RAX2: variants seen among roughly 807,000 people sequenced by gnomAD.
The protein encoded by RAX2 is retina and anterior neural fold homeobox 2.
RAX2 carries 4 observed loss-of-function variants against 5.8 expected under a neutral mutation model. That is an observed-to-expected ratio of 0.69 (90% CI 0.34 to 1.58). The LOEUF is 1.58. Ranked by LOEUF, RAX2 falls within the 40% of genes most tolerant of loss-of-function variation. The pLI, the probability that RAX2 is intolerant of heterozygous loss-of-function variation, is 0.05. For missense variants in RAX2, 275 were observed against 271.4 expected, an observed-to-expected ratio of 1.01 and a Z score of -0.09; for synonymous variants, 133 against 128.8, an observed-to-expected ratio of 1.03 and a Z score of -0.22.
chr19:3,771,956 C>T lies in RAX2; in HGVS notation c.-214G>A. ...TGTGCCTCTGTCTGCTCTTCCTTCT[C>T]TCTGTGTGTGTCACCGTCCCTGTTT... is the stretch of plus-strand genomic sequence containing the variant. On this transcript the variant is annotated 5_prime_UTR_variant, in exon 2 of 3. Transcript: ENST00000555633. The surrounding 1 kb of genome is among the most constrained non-coding windows in gnomAD (Gnocchi z 4.2). 2 of 834,816 alleles carry T rather than the reference C, an allele frequency of 2.4e-6. No homozygotes were observed. Among genetic ancestry groups the T allele is most frequent in the Non-Finnish European group, 3.6e-6 (2 of 551,430 alleles). The allele number at this position is 834,816 out of a possible 1,614,324, so 51.7% of individuals were successfully genotyped here. A position where few individuals can be genotyped will look rare whatever the true frequency, so the allele number is the denominator to read the frequency against.
chr19:3,771,068 C>A lies in RAX2; in HGVS notation c.217-109G>T. On this transcript the variant is annotated intron_variant, in intron 2 of 2. Coordinates refer to ENST00000555633, the MANE Select transcript of RAX2 (RefSeq NM_001319074.4). The surrounding 1 kb of genome is among the most constrained non-coding windows in gnomAD (Gnocchi z 4.2). Reference sequence around the variant, plus strand: ...CCTGGGGGTTCTGACTCCCGTCTGACCCGACTCCTACCTGCTGCTTCGCTG... The same window carrying A: ...CCTGGGGGTTCTGACTCCCGTCTGAACCGACTCCTACCTGCTGCTTCGCTG... The A allele has an allele frequency of 1.2e-6, 1 of 823,310 alleles. No homozygotes were observed. Among genetic ancestry groups the A allele is most frequent in the Non-Finnish European group, 2.0e-6 (1 of 509,582 alleles). The allele number at this position is 823,310 out of a possible 1,614,324, so 51.0% of individuals were successfully genotyped here. A position where few individuals can be genotyped will look rare whatever the true frequency, so the allele number is the denominator to read the frequency against.
rs1286946201 is a variant in RAX2, at chr19:3,770,838, G to GC, written c.337dup (p.Ala113GlyfsTer178). On this transcript the variant is annotated frameshift_variant, in exon 3 of 3. Transcript: ENST00000555633. LOFTEE classifies it low-confidence loss of function (END_TRUNC). ...CCAGGGCTCCAGGGGCAGCGACATG[G>GC]CCGGGGGGCGGGCGAACGGCAGCGC... is the stretch of plus-strand genomic sequence containing the variant. 1.3e-6 allele frequency: 2 copies of GC among 1,526,958 alleles called. No homozygotes were observed. Among genetic ancestry groups the GC allele is most frequent in the Non-Finnish European group, 1.8e-6 (2 of 1,142,574 alleles). The allele number at this position is 1,526,958 out of a possible 1,614,324, so 94.6% of individuals were successfully genotyped here.
Position 3,771,848 on chromosome 19 carries a change from G to T in RAX2, c.-106C>A. 6.8e-7 allele frequency: 1 copy of T among 1,460,782 alleles called. No individual in the cohort carries two copies. 90.5% of individuals were successfully genotyped at this position (1,460,782 alleles called of 1,614,324 possible). On this transcript the variant is annotated 5_prime_UTR_variant, in exon 2 of 3. Coordinates refer to ENST00000555633, the MANE Select transcript of RAX2 (RefSeq NM_001319074.4). This position sits in a 1 kb window ranked among gnomAD's most constrained non-coding sequence, Gnocchi z 4.2. ...AGCCCCAGGCTTGCCTCCCGGCTCC[G>T]GGGAAATCGGTTCCCTCCACTGGGG...
chr19:3,770,984 G>C, intron 2 of RAX2, 25 bp from the exon 3 acceptor site: 1 of 1,521,810 alleles, frequency 6.6e-7, no homozygotes, highest in Non-Finnish European at 8.8e-7. Flanking sequence ...AGGGAAGGGG[G>C]GTTGCTGTGA....
rs546377680 is a variant in RAX2 at position 3,771,841 on chromosome 19, C to T, written c.-99G>A. 54 of 1,467,422 alleles carry T rather than the reference C, an allele frequency of 3.7e-5. 1 individual carries two copies. Among genetic ancestry groups the T allele is most frequent in the African/African-American group, 1.1e-4 (8 of 71,170 alleles). 90.9% of individuals were successfully genotyped at this position (1,467,422 alleles called of 1,614,324 possible). A position where few individuals can be genotyped will look rare whatever the true frequency, so the allele number is the denominator to read the frequency against. On this transcript the variant is annotated 5_prime_UTR_variant, in exon 2 of 3. Transcript: ENST00000555633. This position sits in a 1 kb window ranked among gnomAD's most constrained non-coding sequence, Gnocchi z 4.2. ...GCAGGGGAGCCCCAGGCTTGCCTCC[C>T]GGCTCCGGGGAAATCGGTTCCCTCC... is the stretch of plus-strand genomic sequence containing the variant.
In RAX2 at chr19:3,770,630, C is replaced by A; in HGVS notation, c.546G>T (p.Pro182=). The A allele has an allele frequency of 6.5e-7, 1 of 1,532,628 alleles. No individual in the cohort carries two copies. 94.9% of individuals were successfully genotyped at this position (1,532,628 alleles called of 1,614,324 possible). A position where few individuals can be genotyped will look rare whatever the true frequency, so the allele number is the denominator to read the frequency against. ...EHAQALDRAW[P]PA is the part of the protein sequence containing the mutation. ...CGGGAGGGCGGCAGGCTCAGGCTGG[C>A]GGCCAGGCCCTGTCCAGAGCCTGTG... Residue 182 remains proline (P), a synonymous_variant, in exon 3 of 3, where the codon CCG becomes CCT. Coordinates refer to ENST00000555633, the MANE Select transcript of RAX2 (RefSeq NM_001319074.4).
chr19:3,771,804 G>T lies in RAX2; in HGVS notation c.-62C>A. The T allele has an allele frequency of 6.6e-7, 1 of 1,515,720 alleles. No homozygotes were observed. The allele number at this position is 1,515,720 out of a possible 1,614,324, so 93.9% of individuals were successfully genotyped here. ...TGGGGAGACGGCTGGGGGGGCTACC[G>T]GCAGGGACAGGGCAGGGGAGCCCCA... On this transcript the variant is annotated 5_prime_UTR_variant, in exon 2 of 3. Transcript: ENST00000555633. The surrounding 1 kb of genome is among the most constrained non-coding windows in gnomAD (Gnocchi z 4.2).
At position 3,770,483 on chromosome 19, in the gene RAX2, C is replaced by T. The variant is rs913433357; in HGVS notation, c.*138G>A. 41 of 704,778 alleles carry T rather than the reference C, an allele frequency of 5.8e-5. 1 individual carries two copies. In the East Asian group the frequency reaches 8.2e-4, roughly 14 times the overall value. The allele number at this position is 704,778 out of a possible 1,614,324, so 43.7% of individuals were successfully genotyped here. A position where few individuals can be genotyped will look rare whatever the true frequency, so the allele number is the denominator to read the frequency against. On this transcript the variant is annotated 3_prime_UTR_variant, in exon 3 of 3. Coordinates refer to ENST00000555633, the MANE Select transcript of RAX2 (RefSeq NM_001319074.4). Reference sequence around the variant, plus strand: ...ACCCAGCAGCCTGTCTCTCTGGTCCCGCTCCCCAGTGGTGGTGGCCTGGCC... The same window carrying T: ...ACCCAGCAGCCTGTCTCTCTGGTCCTGCTCCCCAGTGGTGGTGGCCTGGCC...
chr19:3,770,773 G>A lies in RAX2; in HGVS notation c.403C>T (p.Leu135Phe), dbSNP rs1305878885. The A allele has an allele frequency of 6.5e-7, 1 of 1,527,030 alleles. No individual in the cohort carries two copies. The highest frequency in any genetic ancestry group is 2.0e-5 in the Admixed American group (1 of 50,356). 94.6% of individuals were successfully genotyped at this position (1,527,030 alleles called of 1,614,324 possible). The change falls in exon 3 of 3, where the codon CTC (leucine) becomes TTC (phenylalanine). Residue 135 changes from leucine (L) to phenylalanine (F), a missense_variant. Physicochemically the swap from Leu to Phe is conservative, Grantham distance 22 (BLOSUM62 0). Coordinates refer to ENST00000555633, the MANE Select transcript of RAX2 (RefSeq NM_001319074.4). ...TGCAGCCCCGGGCCCGGGCCCAGGA[G>A]GCGGGGGAGGCCTGGCACGGCCGGC... is the stretch of plus-strand genomic sequence containing the variant. ...GPPAVPGLPR[L>F]LGPGPGLQAS...
In RAX2 at chr19:3,770,776, G is replaced by T; in HGVS notation, c.400C>A (p.Arg134Ser). 2 of 1,526,310 alleles carry T rather than the reference G, an allele frequency of 1.3e-6. No individual in the cohort carries two copies. The highest frequency in any genetic ancestry group is 1.8e-6 in the Non-Finnish European group (2 of 1,142,564). 94.5% of individuals were successfully genotyped at this position (1,526,310 alleles called of 1,614,324 possible). The change falls in exon 3 of 3, where the codon CGC (arginine) becomes AGC (serine). Residue 134 changes from arginine to serine, a missense_variant. Coordinates refer to ENST00000555633, the MANE Select transcript of RAX2 (RefSeq NM_001319074.4). ...PGPPAVPGLPRLLGPGPGLQA... is the reference protein window; with the variant it reads ...PGPPAVPGLPSLLGPGPGLQA... ...AGCCCCGGGCCCGGGCCCAGGAGGC[G>T]GGGGAGGCCTGGCACGGCCGGCGGT...
Position 3,770,932 on chromosome 19 carries a change from A to C in RAX2, c.244T>G (p.Trp82Gly). ...GACTCCAGCCGCTCCTGGCGGCGCCACTTGGCCCGGCGGTTCTGGAACCAC... is the reference window on the plus strand; with the variant it reads ...GACTCCAGCCGCTCCTGGCGGCGCCCCTTGGCCCGGCGGTTCTGGAACCAC... ...QVWFQNRRAK[W>G]RRQERLESGS... Residue 82 changes from tryptophan (W) to glycine (G), a missense_variant, in exon 3 of 3, where the codon TGG (tryptophan) becomes GGG (glycine). Transcript: ENST00000555633. 1 of 1,562,520 alleles carries C rather than the reference A, an allele frequency of 6.4e-7. No homozygotes were observed. The highest frequency in any genetic ancestry group is 8.6e-7 in the Non-Finnish European group (1 of 1,161,702).
Position 3,771,612 on chromosome 19 carries a change from C to T in RAX2, c.131G>A (p.Arg44Gln), listed in dbSNP as rs370757303. ...CGGGTAGTGAGAGGCCTCGAACGCCCGCTCCAGCTGGTGCAGCTGGTAGGT... is the reference window on the plus strand; with the variant it reads ...CGGGTAGTGAGAGGCCTCGAACGCCTGCTCCAGCTGGTGCAGCTGGTAGGT... ...FTTYQLHQLE[R>Q]AFEASHYPDV... is the part of the protein sequence containing the mutation. Residue 44 changes from arginine (R) to glutamine (Q), a missense_variant, in exon 2 of 3, where the codon CGG (arginine) becomes CAG (glutamine). By Grantham distance (43) the Arg-to-Gln change is conservative. Transcript: ENST00000555633. The surrounding 1 kb of genome is among the most constrained non-coding windows in gnomAD (Gnocchi z 4.2). The T allele has an allele frequency of 2.7e-5, 43 of 1,612,808 alleles. No individual in the cohort carries two copies. Among genetic ancestry groups the T allele is most frequent in the Admixed American group, 1.0e-4 (6 of 59,894 alleles).
At position 3,771,041 on chromosome 19, in the gene RAX2, G is replaced by A. The variant is rs546869777; in HGVS notation, c.217-82C>T. ...CCTCGGACCCCCTCTGCACACCCCA[G>A]CCCTGGGGGTTCTGACTCCCGTCTG... On this transcript the variant is annotated intron_variant, in intron 2 of 2. Coordinates refer to ENST00000555633, the MANE Select transcript of RAX2 (RefSeq NM_001319074.4). This position sits in a 1 kb window ranked among gnomAD's most constrained non-coding sequence, Gnocchi z 4.2. 3.0e-5 allele frequency: 34 copies of A among 1,121,164 alleles called. No individual in the cohort carries two copies. In the African/African-American group the frequency reaches 4.8e-4, roughly 16 times the overall value. The allele number at this position is 1,121,164 out of a possible 1,614,324, so 69.5% of individuals were successfully genotyped here.
rs2037253937 is a variant in RAX2 at position 3,771,104 on chromosome 19, A to G, written c.217-145T>C. 6.0e-6 allele frequency: 4 copies of G among 671,882 alleles called. No homozygotes were observed. Among genetic ancestry groups the G allele is most frequent in the East Asian group, 2.8e-5 (1 of 36,192 alleles). The allele number at this position is 671,882 out of a possible 1,614,324, so 41.6% of individuals were successfully genotyped here. A position where few individuals can be genotyped will look rare whatever the true frequency, so the allele number is the denominator to read the frequency against. On this transcript the variant is annotated intron_variant, in intron 2 of 2. Transcript: ENST00000555633. This position sits in a 1 kb window ranked among gnomAD's most constrained non-coding sequence, Gnocchi z 4.2. Reference sequence around the variant, plus strand: ...CCTGCTGCTTCGCTGTTCTGCCCCAAGAAGATGAGGATCTCCCAAGCGTTC... The same window carrying G: ...CCTGCTGCTTCGCTGTTCTGCCCCAGGAAGATGAGGATCTCCCAAGCGTTC...
Position 3,771,505 on chromosome 19 carries a change from G to C in RAX2, c.216+22C>G, listed in dbSNP as rs757418590. The C allele has an allele frequency of 2.6e-6, 4 of 1,559,176 alleles. No homozygotes were observed. The highest frequency in any genetic ancestry group is 3.5e-6 in the Non-Finnish European group (4 of 1,147,504). ...TCCCTCCCCAGGTTGCAAAAGATGTGTGTGTTGGGGGGTGCCCTCACCTGC... is the reference window on the plus strand; with the variant it reads ...TCCCTCCCCAGGTTGCAAAAGATGTCTGTGTTGGGGGGTGCCCTCACCTGC... On this transcript the variant is annotated intron_variant, in intron 2 of 2. Coordinates refer to ENST00000555633, the MANE Select transcript of RAX2 (RefSeq NM_001319074.4). This position sits in a 1 kb window ranked among gnomAD's most constrained non-coding sequence, Gnocchi z 4.2.
In RAX2 at chr19:3,771,304, C is replaced by T. The variant is rs1260025226; in HGVS notation, c.216+223G>A. Among the ~76,000 whole-genome samples the T allele has an allele frequency of 6.6e-6, 1 of 152,168 alleles. No individual in the cohort carries two copies. The highest frequency in any genetic ancestry group is 2.4e-5 in the African/African-American group (1 of 41,452). On this transcript the variant is annotated intron_variant, in intron 2 of 2. Transcript: ENST00000555633. This position sits in a 1 kb window ranked among gnomAD's most constrained non-coding sequence, Gnocchi z 4.2. The stretch of plus-strand genomic sequence containing the variant: ...TCAAGGGAAACGCCTCCAACTTAAC[C>T]CCTCCATGTCTTTGCACACACTGTT...
In RAX2 at chr19:3,770,192, A is replaced by C; in HGVS notation, c.*429T>G. 5.5e-6 allele frequency: 1 copy of C among 182,204 alleles called. No individual in the cohort carries two copies. Among genetic ancestry groups the C allele is most frequent in the Non-Finnish European group, 1.1e-5 (1 of 88,402 alleles). 11.3% of individuals were successfully genotyped at this position (182,204 alleles called of 1,614,324 possible). On this transcript the variant is annotated 3_prime_UTR_variant, in exon 3 of 3. Transcript: ENST00000555633. Reference sequence around the variant, plus strand: ...GGGACTGGGAGCCTGGAGAGTGGGCAGCTCTGCTGATGGGGATTAGGAGAA... The same window carrying C: ...GGGACTGGGAGCCTGGAGAGTGGGCCGCTCTGCTGATGGGGATTAGGAGAA...
rs1252557730 is a variant in RAX2 at position 3,771,548 on chromosome 19, G to A, written c.195C>T (p.His65=). 6.2e-6 allele frequency: 10 copies of A among 1,606,214 alleles called. No individual in the cohort carries two copies. In the Admixed American group the frequency reaches 1.4e-4, roughly 22 times the overall value. The part of the protein sequence containing the change: ...YSREELAAKV[H]LPEVRVQVWF... ...TCACCTGCACGCGCACCTCAGGTAGGTGCACCTTGGCTGCCAGCTCCTCAC... is the reference window on the plus strand; with the variant it reads ...TCACCTGCACGCGCACCTCAGGTAGATGCACCTTGGCTGCCAGCTCCTCAC... The change falls in exon 2 of 3, where the codon CAC becomes CAT. Residue 65 remains histidine, a synonymous_variant. Coordinates refer to ENST00000555633, the MANE Select transcript of RAX2 (RefSeq NM_001319074.4). This position sits in a 1 kb window ranked among gnomAD's most constrained non-coding sequence, Gnocchi z 4.2.
At position 3,771,295 on chromosome 19, in the gene RAX2, C is replaced by A. The variant is rs1323443172; in HGVS notation, c.216+232G>T. Among the ~76,000 whole-genome samples, 1 of 152,156 alleles carries A rather than the reference C, an allele frequency of 6.6e-6. No individual in the cohort carries two copies. Among genetic ancestry groups the A allele is most frequent in the Non-Finnish European group, 1.5e-5 (1 of 68,022 alleles). The stretch of plus-strand genomic sequence containing the variant: ...ACCCCTGGCTCAAGGGAAACGCCTC[C>A]AACTTAACCCCTCCATGTCTTTGCA... On this transcript the variant is annotated intron_variant, in intron 2 of 2. Transcript: ENST00000555633. This position sits in a 1 kb window ranked among gnomAD's most constrained non-coding sequence, Gnocchi z 4.2.
Sources: allele counts gnomAD v4.1 joint callset (sites outside exome capture counted in the v4.1 genomes callset), GRCh38; gene constraint gnomAD v4.1.1; non-coding constraint Gnocchi (gnomAD v3.1); transcripts MANE v1.5; gene names NCBI Gene and HGNC (gene_info 2026-07-23, HGNC 2026-07-21).